Variants in SIK3 observed in about 807,000 individuals in gnomAD.
SIK3 encodes the protein SIK family kinase 3, also known as serine/threonine-protein kinase SIK3.
In SIK3, 28 loss-of-function variants were observed where a neutral mutation model predicts 144.2. That is an observed-to-expected ratio of 0.19 (90% CI 0.14 to 0.27). The LOEUF is 0.27. SIK3 is among the 10% of genes least tolerant of loss of function. The pLI, the probability that SIK3 is intolerant of heterozygous loss-of-function variation, is 1.00. For synonymous variants in SIK3, 686 were observed against 676.3 expected (o/e 1.01, Z -0.22); for missense variants, 1,319 against 1,776.0 (o/e 0.74, Z 4.62).
chr11:116,971,636 ATTACT>A (rs1427287799), intron 1 of SIK3, among the ~76,000 whole-genome samples: 2 of 152,252 alleles, frequency 1.3e-5, no homozygotes, highest in African/African-American at 2.4e-5. Flanking sequence ...TTCAAGAATT[ATTACT>A]TTATAGTCAA....
chr11:117,059,825 G>T (rs1286131902), intron 1 of SIK3, among the ~76,000 whole-genome samples: 3 of 152,144 alleles, frequency 2.0e-5, no homozygotes, highest in Non-Finnish European at 4.4e-5. Flanking sequence ...CTATTAGAAT[G>T]GCTAAAATTC....
intron 1 of SIK3, among the ~76,000 whole-genome samples, chr11:116,999,915 T>C (rs1315070728): frequency 9.2e-5 from 14 of 152,352 alleles, no homozygotes; most frequent in Admixed American, 6.5e-4. Context: ...TATTTTCCAT[T>C]GAAATCATGC....
chr11:116,989,231 G>A (rs1159185625), intron 1 of SIK3, among the ~76,000 whole-genome samples: 1 of 152,038 alleles, frequency 6.6e-6, no homozygotes, highest in Non-Finnish European at 1.5e-5. Flanking sequence ...ATGTCTCTCA[G>A]ATGATATGTG....
At chr11:117,061,301 T>C (rs1472781196) in intron 1 of SIK3, among the ~76,000 whole-genome samples, 1 of 152,132 alleles carries the variant, frequency 6.6e-6, no homozygotes, top group Non-Finnish European at 1.5e-5. Context: ...TATTACCATT[T>C]GAGTCACACA....
At chr11:116,908,362 C>G (rs541120097) in intron 4 of SIK3, among the ~76,000 whole-genome samples, 21 of 152,090 alleles carry the variant, frequency 1.4e-4, no homozygotes, top group African/African-American at 4.8e-4. Flanking sequence ...GCCTGTGGTC[C>G]CAGCTACTCG....
intron 1 of SIK3, among the ~76,000 whole-genome samples, chr11:116,986,099 C>T (rs188514844): frequency 5.9e-4 from 90 of 152,208 alleles, no homozygotes; most frequent in Non-Finnish European, 6.6e-4. Flanking sequence ...AGACATATAG[C>T]GTTTACTTCA....
intron 1 of SIK3, among the ~76,000 whole-genome samples, chr11:117,007,870 G>C (rs1284421209): frequency 1.3e-5 from 2 of 151,932 alleles, no homozygotes; most frequent in Non-Finnish European, 2.9e-5. Context: ...GATCACCTGA[G>C]GTCAGGAGTT....
At chr11:116,954,143 C>T in intron 2 of SIK3, 36 bp from the exon 3 acceptor site, 1 of 1,568,214 alleles carries the variant, frequency 6.4e-7, no homozygotes, top group Non-Finnish European at 8.8e-7. Flanking sequence ...GACAGTGACA[C>T]AAATGACAGG....
At chr11:117,090,980 A>G (rs572354173) in intron 1 of SIK3, among the ~76,000 whole-genome samples, 2 of 152,206 alleles carry the variant, frequency 1.3e-5, no homozygotes, top group African/African-American at 4.8e-5. Context: ...CCAGTAAAAA[A>G]GCAAGTGCTC....
At chr11:117,052,156 AGAAAG>A (rs947954609) in intron 1 of SIK3, among the ~76,000 whole-genome samples, 2 of 152,130 alleles carry the variant, frequency 1.3e-5, no homozygotes, top group African/African-American at 4.8e-5. Flanking sequence ...AGAGAAAAAA[AGAAAG>A]GAAAGAAATC....
chr11:117,063,817 T>C (rs924089969), intron 1 of SIK3, among the ~76,000 whole-genome samples: 1 of 152,016 alleles, frequency 6.6e-6, no homozygotes, highest in Non-Finnish European at 1.5e-5. Context: ...TTCGCCCCAC[T>C]TCAGCTTCCC....
chr11:116,993,148 A>T (rs1181012331), intron 1 of SIK3, among the ~76,000 whole-genome samples: 1 of 152,202 alleles, frequency 6.6e-6, no homozygotes, highest in African/African-American at 2.4e-5. Flanking sequence ...CAGCCTCCCA[A>T]AGTGGTGGGA....
At chr11:117,080,538 T>A (rs557359806) in intron 1 of SIK3, among the ~76,000 whole-genome samples, 1 of 152,192 alleles carries the variant, frequency 6.6e-6, no homozygotes, top group African/African-American at 2.4e-5. Context: ...TAAGTCTACG[T>A]GTTTTGAATA....
In SIK3 at chr11:116,846,320, A is replaced by T. The variant is rs1941949602; in HGVS notation, c.*13+63T>A. On this transcript the variant is annotated intron_variant, in intron 24 of 24. Transcript: ENST00000445177. The surrounding 1 kb of genome is among the most constrained non-coding windows in gnomAD (Gnocchi z 4.1). ...CACAACACATGGGCTGAAGCTCCTG[A>T]TGGGATTGGGAGCAGGCACTGGGCC... The T allele has an allele frequency of 1.9e-6, 3 of 1,542,872 alleles. No homozygotes were observed. The highest frequency in any genetic ancestry group is 2.7e-6 in the Non-Finnish European group (3 of 1,130,268).
intron 19 of SIK3, among the ~76,000 whole-genome samples, chr11:116,860,668 C>T (rs573661839): frequency 2.5e-4 from 38 of 152,322 alleles, no homozygotes; most frequent in African/African-American, 6.5e-4. Flanking sequence ...AAGTGTTTTA[C>T]GTATATCTAC....
chr11:117,059,240 C>T (rs1256388729), intron 1 of SIK3, among the ~76,000 whole-genome samples: 4 of 151,764 alleles, frequency 2.6e-5, no homozygotes, highest in Non-Finnish European at 5.9e-5. Flanking sequence ...AGATGCTGGA[C>T]AAGTAATCAA....
At chr11:116,883,233 C>T (rs1260652105) in intron 6 of SIK3, among the ~76,000 whole-genome samples, 3 of 152,188 alleles carry the variant, frequency 2.0e-5, no homozygotes, top group East Asian at 3.8e-4. Context: ...ATGTTTGTCT[C>T]AGAGCACCTC....
chr11:116,856,041 C>G (rs996122520), intron 21 of SIK3, among the ~76,000 whole-genome samples: 1 of 151,768 alleles, frequency 6.6e-6, no homozygotes, highest in African/African-American at 2.4e-5. Flanking sequence ...ACTAAAAATA[C>G]AAAAAATTAG....
chr11:116,886,317 C>T (rs554295626), intron 6 of SIK3, among the ~76,000 whole-genome samples: 34 of 152,296 alleles, frequency 2.2e-4, no homozygotes, highest in African/African-American at 7.7e-4. Flanking sequence ...CTGAGCCCCT[C>T]GGTATATGGA....
Sources: gnomAD v4.1 joint callset for allele counts (sites outside exome capture counted in the v4.1 genomes callset) on GRCh38, gnomAD v4.1.1 for gene constraint, Gnocchi (gnomAD v3.1) non-coding constraint, MANE v1.5 for transcripts, NCBI Gene and HGNC (gene_info 2026-07-23, HGNC 2026-07-21) for gene names.